TPTE2: variants seen among roughly 807,000 people sequenced by gnomAD.
TPTE2 encodes the protein phosphatidylinositol 3,4,5-trisphosphate 3-phosphatase TPTE2.
A neutral mutation model predicts 78.6 loss-of-function variants in TPTE2; 53 were observed. The observed-to-expected ratio is 0.67, with a 90% confidence interval of 0.54 to 0.85. The LOEUF is 0.85. Ranked by LOEUF, TPTE2 falls within the 40% of genes least tolerant of loss-of-function variation. The pLI is 0.00. For synonymous variants in TPTE2, 175 were observed against 206.2 expected (o/e 0.85, Z 1.30); for missense variants, 461 against 623.0 (o/e 0.74, Z 2.77).
chr13:19,542,322 G>A, the TPTE2 span, among the ~76,000 whole-genome samples: 2 of 152,134 alleles, frequency 1.3e-5, no homozygotes, highest in African/African-American at 2.4e-5. Flanking sequence ...CAGTTTCTGA[G>A]AGTCTCCTGC....
rs547443637 is a variant in TPTE2, at chr13:19,463,820, C to G, written c.741+636G>C. Among the ~76,000 whole-genome samples, 93 of 152,166 alleles carry G rather than the reference C, an allele frequency of 6.1e-4. 1 individual carries two copies. Among genetic ancestry groups the G allele is most frequent in the African/African-American group, 2.0e-3 (85 of 41,510 alleles). ...AGGGTTTGTGGAGACAGTGGTATGG[C>G]TTTTCTTGGTATGAGAGCCATCATT... On this transcript the variant is annotated intron_variant, in intron 10 of 19. Coordinates refer to ENST00000400230, the Ensembl canonical transcript of TPTE2.
chr13:19,543,212 A>C, the TPTE2 span, among the ~76,000 whole-genome samples: 1 of 151,822 alleles, frequency 6.6e-6, no homozygotes, highest in African/African-American at 2.4e-5. Flanking sequence ...CCACCACACC[A>C]GGCTAATTTT....
chr13:19,498,176 T>C (rs1240578232), intron 1 of TPTE2, among the ~76,000 whole-genome samples: 1 of 152,124 alleles, frequency 6.6e-6, no homozygotes, highest in African/African-American at 2.4e-5. Context: ...GTCTCATTGG[T>C]GTGCCTGAAA....
chr13:19,451,031 G>A (rs1273224735), intron 11 of TPTE2, 134 bp downstream of exon 14: 21 of 1,086,798 alleles, frequency 1.9e-5, no homozygotes, highest in Non-Finnish European at 2.7e-5. Context: ...AGTCCAAGAT[G>A]GGGATTTTTA....
chr13:19,492,408 A>G (rs1397216264), intron 3 of TPTE2, among the ~76,000 whole-genome samples: 2 of 152,154 alleles, frequency 1.3e-5, no homozygotes, highest in African/African-American at 4.8e-5. Flanking sequence ...CCATGTTGCA[A>G]ATAGGATTCT....
At chr13:19,465,409 T>G in intron 8 of TPTE2, 56 bp downstream of exon 11, 1 of 1,607,300 alleles carries the variant, frequency 6.2e-7, no homozygotes, top group Non-Finnish European at 8.5e-7. Context: ...CCCTTGCCAA[T>G]GGGTCCCAAA....
chr13:19,462,377 T>G (rs1394401598), intron 10 of TPTE2, among the ~76,000 whole-genome samples: 1 of 152,136 alleles, frequency 6.6e-6, no homozygotes, highest in African/African-American at 2.4e-5. Context: ...TATAGTATTC[T>G]TGGTTGACAG....
At chr13:19,457,886 T>C (rs1367958559) in intron 10 of TPTE2, among the ~76,000 whole-genome samples, 1 of 152,168 alleles carries the variant, frequency 6.6e-6, no homozygotes, top group Admixed American at 6.5e-5. Flanking sequence ...ATTGGCATAG[T>C]TAAGGCCAAA....
chr13:19,426,132 T>G (rs1041419671), intron 18 of TPTE2: 4 of 52,484 alleles, frequency 7.6e-5, no homozygotes, highest in Admixed American at 6.8e-4. Context: ...ACCTTTGGGT[T>G]TTTTTTTTTT....
chr13:19,423,454 A>C (rs963519354), intron 19 of TPTE2, among the ~76,000 whole-genome samples: 14 of 152,244 alleles, frequency 9.2e-5, no homozygotes, highest in Non-Finnish European at 5.9e-5. Context: ...CTGTGACAGA[A>C]ATCAGTCAGG....
intron 6 of TPTE2, among the ~76,000 whole-genome samples, chr13:19,468,936 G>A (rs532650094): frequency 3.9e-5 from 6 of 152,178 alleles, no homozygotes; most frequent in East Asian, 3.9e-4. Flanking sequence ...TTTTCAGATC[G>A]GTAGTTTGCA....
intron 3 of TPTE2, among the ~76,000 whole-genome samples, chr13:19,483,807 C>G (rs1209219804): frequency 6.6e-6 from 1 of 151,838 alleles, no homozygotes; most frequent in Non-Finnish European, 1.5e-5. Flanking sequence ...ACTTTAAGTT[C>G]TAGGGTACAT....
At chr13:19,517,711 A>C (rs748456497) in intron 1 of TPTE2, among the ~76,000 whole-genome samples, 17 of 152,170 alleles carry the variant, frequency 1.1e-4, no homozygotes, top group Non-Finnish European at 2.4e-4. Context: ...CTCTGCGTCC[A>C]TGGCAACCCC....
Position 19,423,759 on chromosome 13 carries a change from A to C in TPTE2, c.1467-595T>G, listed in dbSNP as rs531982988. ...AAATTTAAATGTTACAGAAATCTTT[A>C]GAAATTTATATAAAAGTAAGAATAA... On this transcript the variant is annotated intron_variant, in intron 19 of 19. Transcript: ENST00000400230. 6.6e-5 allele frequency among the ~76,000 whole-genome samples: 10 copies of C among 152,354 alleles called. No homozygotes were observed. The East Asian group carries it at 1.9e-3, about 29-fold the overall frequency.
At chr13:19,528,213 C>T (rs553906934) in intron 1 of TPTE2, among the ~76,000 whole-genome samples, 12 of 89,814 alleles carry the variant, frequency 1.3e-4, no homozygotes, top group African/African-American at 3.6e-4. Context: ...GAAACCCCTT[C>T]TCTACTAAAA....
chr13:19,453,352 T>C (rs889079264), intron 10 of TPTE2, among the ~76,000 whole-genome samples: 1 of 151,936 alleles, frequency 6.6e-6, no homozygotes, highest in Non-Finnish European at 1.5e-5. Context: ...TCTCAACAAG[T>C]AAATATCTCA....
At chr13:19,509,402 G>A (rs1347010916) in intron 1 of TPTE2, among the ~76,000 whole-genome samples, 1 of 152,032 alleles carries the variant, frequency 6.6e-6, no homozygotes, top group Non-Finnish European at 1.5e-5. Flanking sequence ...AACAAACAGA[G>A]TGAATATCCA....
intron 3 of TPTE2, among the ~76,000 whole-genome samples, chr13:19,485,632 T>C (rs1461258316): frequency 3.3e-5 from 5 of 152,178 alleles, no homozygotes; most frequent in Non-Finnish European, 7.3e-5. Flanking sequence ...CCTCATATTT[T>C]CTCTTCACTT....
At chr13:19,489,733 T>C (rs1341978778) in intron 3 of TPTE2, among the ~76,000 whole-genome samples, 3 of 140,162 alleles carry the variant, frequency 2.1e-5, no homozygotes, top group Non-Finnish European at 3.1e-5. Context: ...TATATATATA[T>C]ACACACACAC....
Sources: allele counts gnomAD v4.1 joint callset (sites outside exome capture counted in the v4.1 genomes callset), GRCh38; gene constraint gnomAD v4.1.1; transcripts MANE v1.5; gene names NCBI Gene and HGNC (gene_info 2026-07-23, HGNC 2026-07-21).